NRXN1: variants seen among roughly 807,000 people sequenced by gnomAD.
The protein encoded by NRXN1 is neurexin-1.
Under a neutral mutation model 150.9 loss-of-function variants are expected in NRXN1, and 39 were observed. That is an observed-to-expected ratio of 0.26 (90% CI 0.20 to 0.34). NRXN1 has a LOEUF of 0.34. NRXN1 is among the 10% of genes least tolerant of loss of function. NRXN1 has a pLI of 1.00. For missense variants in NRXN1, 1,815 were observed against 1,949.9 expected (o/e 0.93, Z 1.30); for synonymous variants, 924 against 757.0 (o/e 1.22, Z -3.62).
At chr2:50,506,699 C>G in intron 12 of NRXN1, 82 bp from the exon 13 acceptor site, 1 of 1,392,156 alleles carries the variant, frequency 7.2e-7, no homozygotes, top group Non-Finnish European at 9.9e-7. Flanking sequence ...GAGAAAGAGA[C>G]AAGGGGGGAA....
chr2:50,148,245 G>T (rs553759435), intron 18 of NRXN1, among the ~76,000 whole-genome samples: 22 of 151,520 alleles, frequency 1.5e-4, no homozygotes, highest in African/African-American at 5.3e-4. Context: ...GACTCTAGAG[G>T]CAACAGCTCC....
At chr2:50,992,895 G>T (rs1484622157) in intron 2 of NRXN1, among the ~76,000 whole-genome samples, 1 of 151,926 alleles carries the variant, frequency 6.6e-6, no homozygotes. Flanking sequence ...CATATCTTTG[G>T]AAGTTACTGA....
intron 17 of NRXN1, among the ~76,000 whole-genome samples, chr2:50,338,871 A>G (rs1393266469): frequency 6.6e-6 from 1 of 152,192 alleles, no homozygotes; most frequent in African/African-American, 2.4e-5. Flanking sequence ...TATGCTCTGT[A>G]ACTATCCACA....
At chr2:50,778,108 C>T (rs1346991831) in intron 5 of NRXN1, among the ~76,000 whole-genome samples, 1 of 152,208 alleles carries the variant, frequency 6.6e-6, no homozygotes, top group East Asian at 1.9e-4. Flanking sequence ...GAGATACAGT[C>T]AGTTACTAAA....
At chr2:50,279,242 G>C (rs762356422) in intron 17 of NRXN1, among the ~76,000 whole-genome samples, 33 of 152,138 alleles carry the variant, frequency 2.2e-4, no homozygotes, top group Non-Finnish European at 4.1e-4. Context: ...CTAAGGTACT[G>C]GTCATCATCA....
At chr2:50,432,411 C>T (rs1406326875) in intron 17 of NRXN1, 1 of 152,208 alleles carries the variant, frequency 6.6e-6, no homozygotes, top group African/African-American at 2.4e-5. Flanking sequence ...CTGCAAGGAT[C>T]TTGTAAAATG....
chr2:50,948,116 A>G (rs1690701573), intron 2 of NRXN1, among the ~76,000 whole-genome samples: 1 of 151,942 alleles, frequency 6.6e-6, no homozygotes, highest in Non-Finnish European at 1.5e-5. Context: ...CACAGACACC[A>G]CATTTCTTCA....
intron 17 of NRXN1, among the ~76,000 whole-genome samples, chr2:50,416,801 C>G (rs1021274509): frequency 3.3e-5 from 5 of 152,036 alleles, no homozygotes; most frequent in Admixed American, 6.6e-5. Flanking sequence ...GGTTACCACC[C>G]CCATTATTCA....
At chr2:50,252,258 C>CTTTTTTTTTTTTTTTTT (rs143522284) in intron 17 of NRXN1, among the ~76,000 whole-genome samples, 1 of 69,708 alleles carries the variant, frequency 1.4e-5, no homozygotes, top group Non-Finnish European at 2.5e-5. Context: ...TTTTTCTTTT[C>CTTTTTTTTTTTTTTTTT]TTTTTTTTTT....
chr2:50,148,931 G>T (rs1384661706), intron 18 of NRXN1, among the ~76,000 whole-genome samples: 1 of 151,656 alleles, frequency 6.6e-6, no homozygotes, highest in African/African-American at 2.4e-5. Context: ...TTGGTATGGG[G>T]GTGCCAGAGA....
At chr2:50,284,164 G>A (rs1437602443) in intron 17 of NRXN1, among the ~76,000 whole-genome samples, 1 of 152,168 alleles carries the variant, frequency 6.6e-6, no homozygotes. Flanking sequence ...CACTGGTACA[G>A]TGACCTTTGA....
chr2:50,434,513 A>C (rs1007667755), intron 17 of NRXN1, among the ~76,000 whole-genome samples: 1 of 152,190 alleles, frequency 6.6e-6, no homozygotes, highest in African/African-American at 2.4e-5. Flanking sequence ...AAGAAGGACA[A>C]TGAGCTACTG....
At chr2:50,790,548 G>C (rs887296417) in intron 5 of NRXN1, among the ~76,000 whole-genome samples, 1 of 152,182 alleles carries the variant, frequency 6.6e-6, no homozygotes, top group African/African-American at 2.4e-5. Flanking sequence ...TTGAACCTGG[G>C]AGAGAGAGGT....
chr2:50,904,733 A>T (rs1683429275), intron 5 of NRXN1, among the ~76,000 whole-genome samples: 1 of 152,086 alleles, frequency 6.6e-6, no homozygotes, highest in Non-Finnish European at 1.5e-5. Flanking sequence ...AGTTGAAATA[A>T]ACTTTCTTAA....
intron 18 of NRXN1, among the ~76,000 whole-genome samples, chr2:50,130,383 A>C (rs953277870): frequency 2.0e-5 from 3 of 152,158 alleles, no homozygotes; most frequent in African/African-American, 7.2e-5. Context: ...TCTCAGAAGG[A>C]ATCAACATGT....
chr2:50,946,529 G>A (rs188241395), intron 2 of NRXN1, among the ~76,000 whole-genome samples: 4 of 152,028 alleles, frequency 2.6e-5, no homozygotes, highest in African/African-American at 9.6e-5. Flanking sequence ...TTTCACTCTG[G>A]GTGTGAGAAA....
At chr2:50,091,755 A>G (rs1699613262) in intron 18 of NRXN1, among the ~76,000 whole-genome samples, 1 of 152,214 alleles carries the variant, frequency 6.6e-6, no homozygotes, top group Non-Finnish European at 1.5e-5. Flanking sequence ...AGGTTGTCAC[A>G]GAGAAGGCGC....
At chr2:50,617,263 C>T (rs1292326613) in intron 8 of NRXN1, among the ~76,000 whole-genome samples, 1 of 151,900 alleles carries the variant, frequency 6.6e-6, no homozygotes, top group African/African-American at 2.4e-5. Flanking sequence ...GAGTGAAACC[C>T]GTCACTACTA....
At chr2:50,271,284 A>C (rs1033775721) in intron 17 of NRXN1, among the ~76,000 whole-genome samples, 2 of 152,198 alleles carry the variant, frequency 1.3e-5, no homozygotes, top group Non-Finnish European at 2.9e-5. Context: ...AGAGGACAGA[A>C]TGTTGTATTT....
Sources: allele counts gnomAD v4.1 joint callset (sites outside exome capture counted in the v4.1 genomes callset), GRCh38; gene constraint gnomAD v4.1.1; transcripts MANE v1.5; gene names NCBI Gene and HGNC (gene_info 2026-07-23, HGNC 2026-07-21).